Variants in GRIN2D observed in about 807,000 individuals in gnomAD.
The protein encoded by GRIN2D is glutamate ionotropic receptor NMDA type subunit 2D, also known as glutamate receptor ionotropic, NMDA 2D.
A neutral mutation model predicts 103.2 loss-of-function variants in GRIN2D; 37 were observed. The observed-to-expected ratio is 0.36, with a 90% CI of 0.28 to 0.47. The LOEUF is 0.47. Among genes scored for constraint, GRIN2D ranks in the 20% least tolerant of loss-of-function variants. The pLI is 1.00. For synonymous variants in GRIN2D, 845 were observed against 885.6 expected (o/e 0.95, Z 0.81); for missense variants, 1,557 against 1,910.6 (o/e 0.81, Z 3.45).
At chr19:48,441,492 C>T (rs991683285) in intron 11 of GRIN2D, among the ~76,000 whole-genome samples, 2 of 152,112 alleles carry the variant, frequency 1.3e-5, no homozygotes, top group Non-Finnish European at 2.9e-5. Context: ...ATAGGAGGAT[C>T]GCTTGAGCCC....
intron 10 of GRIN2D, among the ~76,000 whole-genome samples, chr19:48,420,640 A>T (rs899563283): frequency 6.6e-6 from 1 of 151,934 alleles, no homozygotes; most frequent in Non-Finnish European, 1.5e-5. Context: ...AGCCTGGCCA[A>T]CATAGTGAAA....
At chr19:48,429,191 C>T (rs977316477) in intron 11 of GRIN2D, among the ~76,000 whole-genome samples, 5 of 152,056 alleles carry the variant, frequency 3.3e-5, no homozygotes, top group African/African-American at 1.2e-4. Context: ...TCTCCATCCA[C>T]ATAGTTTGGA....
At chr19:48,402,166 A>AAGAAAGAAAGAAAGAAAGAG (rs748167336) in intron 3 of GRIN2D, among the ~76,000 whole-genome samples, 1,005 of 79,918 alleles carry the variant, frequency 0.013, 9 homozygotes, top group Middle Eastern at 0.04. Flanking sequence ...GAAAGAAAGA[A>AAGAAAGAAAGAAAGAAAGAG]AGAGAGAAAA....
At position 48,419,602 on chromosome 19, in the gene GRIN2D, T is replaced by C. The variant is rs1384813625; in HGVS notation, c.1879T>C (p.Phe627Leu). The change falls in exon 10 of 14, where the codon TTC (phenylalanine) becomes CTC (leucine). Residue 627 changes from phenylalanine to leucine, a missense_variant. Phe to Leu is a conservative substitution (Grantham distance 22). Around this residue, in one of 7 missense-constraint regions of GRIN2D, gnomAD observed 197 missense variants for 334.1 expected, o/e 0.59. Coordinates refer to ENST00000263269, the MANE Select transcript of GRIN2D (RefSeq NM_000836.4). ...ATGKRPGGSTFTIGKSIWLLW... is the reference protein window; with the variant it reads ...ATGKRPGGSTLTIGKSIWLLW... Reference sequence around the variant, plus strand: ...CCCTGCAGGCCCTGGCGGTTCAACCTTCACCATTGGGAAATCCATCTGGCT... The same window carrying C: ...CCCTGCAGGCCCTGGCGGTTCAACCCTCACCATTGGGAAATCCATCTGGCT... 1.2e-6 allele frequency: 2 copies of C among 1,613,382 alleles called. No homozygotes were observed. Among genetic ancestry groups the C allele is most frequent in the Admixed American group, 3.3e-5 (2 of 59,966 alleles).
In GRIN2D at chr19:48,398,758, C is replaced by G. The variant is rs1482789629; in HGVS notation, c.366C>G (p.Arg122=). Residue 122 remains arginine, a synonymous_variant, in exon 3 of 14, where the codon CGC becomes CGG. Transcript: ENST00000263269. ...VHGVVFEDDS[R]APAVAPILDF... ...GCGTGGTCTTCGAAGACGACTCGCG[C>G]GCGCCCGCCGTCGCGCCCATCCTCG... 8.2e-6 allele frequency: 12 copies of G among 1,463,798 alleles called. No individual in the cohort carries two copies. Among genetic ancestry groups the G allele is most frequent in the South Asian group, 3.9e-5 (3 of 76,676 alleles). The allele number at this position is 1,463,798 out of a possible 1,614,324, so 90.7% of individuals were successfully genotyped here.
intron 11 of GRIN2D, among the ~76,000 whole-genome samples, chr19:48,424,066 G>A (rs1971055914): frequency 6.6e-6 from 1 of 151,936 alleles, no homozygotes; most frequent in African/African-American, 2.4e-5. Flanking sequence ...TGATCTGCCT[G>A]CCTCAGCCTC....
In GRIN2D at chr19:48,442,432, C is replaced by A; in HGVS notation, c.2673+50C>A. On this transcript the variant is annotated intron_variant, in intron 13 of 13. Coordinates refer to ENST00000263269, the MANE Select transcript of GRIN2D (RefSeq NM_000836.4). The surrounding 1 kb of genome is among the most constrained non-coding windows in gnomAD (Gnocchi z 7.2). ...GAGGGGGAGATGGCAGGGGCGGGGA[C>A]AAAGGTAAAGCCGAGCAGAGACAAG... The A allele has an allele frequency of 6.4e-7, 1 of 1,572,142 alleles. No individual in the cohort carries two copies. The highest frequency in any genetic ancestry group is 1.1e-5 in the South Asian group (1 of 90,010).
intron 11 of GRIN2D, among the ~76,000 whole-genome samples, chr19:48,441,362 C>CAAAAA (rs1173219939): frequency 1.1e-4 from 14 of 127,314 alleles, no homozygotes; most frequent in African/African-American, 3.3e-4. Flanking sequence ...GACTCTGTCT[C>CAAAAA]AAAAAAAAAA....
chr19:48,420,655 G>A (rs1238638589), intron 10 of GRIN2D, among the ~76,000 whole-genome samples: 3 of 151,230 alleles, frequency 2.0e-5, no homozygotes, highest in Admixed American at 6.6e-5. Context: ...GTGAAACCTC[G>A]TCTCTAATAA....
intron 4 of GRIN2D, among the ~76,000 whole-genome samples, chr19:48,410,401 G>A (rs1435968133): frequency 2.0e-5 from 3 of 151,690 alleles, no homozygotes; most frequent in Admixed American, 6.6e-5. Context: ...GGTGGTGCAC[G>A]CCTGTAATCC....
chr19:48,401,811 C>G (rs1280291059), intron 3 of GRIN2D, among the ~76,000 whole-genome samples: 1 of 152,186 alleles, frequency 6.6e-6, no homozygotes, highest in East Asian at 1.9e-4. Flanking sequence ...AGATTGAAAA[C>G]AAAGATAGGC....
chr19:48,415,779 T>A (rs1321863727), intron 7 of GRIN2D, among the ~76,000 whole-genome samples: 1 of 151,880 alleles, frequency 6.6e-6, no homozygotes, highest in African/African-American at 2.4e-5. Context: ...AGCAGCCGGG[T>A]AGGACGCGGG....
intron 4 of GRIN2D, among the ~76,000 whole-genome samples, chr19:48,408,781 C>T (rs1377081572): frequency 6.7e-6 from 1 of 149,534 alleles, no homozygotes; most frequent in Non-Finnish European, 1.5e-5. Context: ...GACCATACCA[C>T]TGCACTCCAG....
Position 48,419,423 on chromosome 19 carries a change from T to C in GRIN2D, c.1861+64T>C. The C allele has an allele frequency of 1.9e-6, 3 of 1,550,878 alleles. No individual in the cohort carries two copies. The South Asian group carries it at 3.5e-5, about 18-fold the overall frequency. ...CGAACCACAGAGACAGAGAACTACA[T>C]TTCCCAGCAGCCCCTGGAGGGGGGG... On this transcript the variant is annotated intron_variant, in intron 9 of 13. Coordinates refer to ENST00000263269, the MANE Select transcript of GRIN2D (RefSeq NM_000836.4).
intron 8 of GRIN2D, among the ~76,000 whole-genome samples, chr19:48,417,737 G>A (rs1970964493): frequency 1.3e-5 from 2 of 152,192 alleles, no homozygotes; most frequent in Non-Finnish European, 2.9e-5. Context: ...AGAGGTGACA[G>A]GCGTGTCCCC....
intron 4 of GRIN2D, among the ~76,000 whole-genome samples, chr19:48,412,481 G>C (rs1439717933): frequency 3.4e-5 from 5 of 146,724 alleles, no homozygotes; most frequent in Admixed American, 1.4e-4. Context: ...AAGAAAGAAA[G>C]AGAGAGAAAG....
rs768929662 is a variant in GRIN2D at position 48,406,026 on chromosome 19, CGTA to C, written c.1085+676_1085+678del. On this transcript the variant is annotated intron_variant, in intron 4 of 13. Coordinates refer to ENST00000263269, the MANE Select transcript of GRIN2D (RefSeq NM_000836.4). ...ACGCCTCATACCTTACTGTTGAGAA[CGTA>C]GTCATATGGTCAGGGCTGGCTTACT... Among the ~76,000 whole-genome samples, 81 of 152,282 alleles carry C rather than the reference CGTA, an allele frequency of 5.3e-4. 1 individual carries two copies. In the Middle Eastern group the frequency reaches 0.027, roughly 51 times the overall value.
At chr19:48,396,439 G>A (rs1970641336) in intron 2 of GRIN2D, among the ~76,000 whole-genome samples, 1 of 152,192 alleles carries the variant, frequency 6.6e-6, no homozygotes, top group East Asian at 1.9e-4. Flanking sequence ...AGGTAGGGGT[G>A]GGTCTGGGAG....
chr19:48,395,694 T>G (rs1473219981), intron 2 of GRIN2D, among the ~76,000 whole-genome samples: 1 of 151,806 alleles, frequency 6.6e-6, no homozygotes, highest in Non-Finnish European at 1.5e-5. Flanking sequence ...GGCTGTGCTA[T>G]GTACAGGATC....
Sources: allele counts gnomAD v4.1 joint callset (sites outside exome capture counted in the v4.1 genomes callset), GRCh38; gene constraint gnomAD v4.1.1; regional missense constraint gnomAD v4.1.1; non-coding constraint Gnocchi (gnomAD v3.1); transcripts MANE v1.5; gene names NCBI Gene and HGNC (gene_info 2026-07-23, HGNC 2026-07-21).